ZDHHC15: variants seen among roughly 807,000 people sequenced by gnomAD.
ZDHHC15 encodes palmitoyltransferase ZDHHC15.
In ZDHHC15, 19 loss-of-function variants were observed where a neutral mutation model predicts 31.7. The observed-to-expected ratio is 0.60, with a 90% CI of 0.42 to 0.88. The LOEUF (loss-of-function observed/expected upper bound fraction) is 0.88. ZDHHC15 is among the 40% of genes least tolerant of loss of function. The probability of loss-of-function intolerance (pLI) is 0.00; values close to 1 mark genes in which losing one functional copy is unlikely to be tolerated. For synonymous variants in ZDHHC15, 103 were observed against 90.0 expected (o/e 1.14, Z -0.82); for missense variants, 209 against 251.2 (o/e 0.83, Z 1.14).
chrX:75,422,367 T>C (rs1304247416), intron 8 of ZDHHC15, among the ~76,000 whole-genome samples: 2 of 112,096 alleles, frequency 1.8e-5, no homozygotes, highest in African/African-American at 6.5e-5. Context: ...AACAGCCGAA[T>C]GACCACCATC....
At chrX:75,425,583 C>T (rs779544940) in intron 7 of ZDHHC15, among the ~76,000 whole-genome samples, 99 of 112,312 alleles carry the variant, frequency 8.8e-4, no homozygotes, top group African/African-American at 3.1e-3. Flanking sequence ...TCTTAGAAAA[C>T]ATTTTCAATT....
intron 2 of ZDHHC15, among the ~76,000 whole-genome samples, chrX:75,488,682 G>T (rs564467654): frequency 2.7e-5 from 3 of 112,199 alleles, no homozygotes; most frequent in Non-Finnish European, 5.6e-5. Context: ...ACACAGAGAC[G>T]GGTGATTGCT....
intron 1 of ZDHHC15, among the ~76,000 whole-genome samples, chrX:75,507,954 C>A (rs2085193548): frequency 9.1e-6 from 1 of 110,390 alleles, no homozygotes; most frequent in Non-Finnish European, 1.9e-5. Context: ...TAATTTGGGG[C>A]TAGATGGAAA....
In ZDHHC15 at chrX:75,495,932, TA is replaced by T. The variant is rs1189278556; in HGVS notation, c.163+9888del. Among the ~76,000 whole-genome samples the T allele has an allele frequency of 8.5e-3, 810 of 94,887 alleles. 1 individual carries two copies. The highest frequency in any genetic ancestry group is 0.017 in the African/African-American group (439 of 26,118). The allele number at this position is 94,887 out of a possible 115,157, so 82.4% of individuals were successfully genotyped here. A position where few individuals can be genotyped will look rare whatever the true frequency, so the allele number is the denominator to read the frequency against. On this transcript the variant is annotated intron_variant, in intron 2 of 11. Coordinates refer to ENST00000373367, the MANE Select transcript of ZDHHC15 (RefSeq NM_144969.3). ...TGTACCATAAAACTTGAAGCATAATTAAAAAAAAAAAAAGAAAAACAAGGTA... is the reference window on the plus strand; with the variant it reads ...TGTACCATAAAACTTGAAGCATAATTAAAAAAAAAAAAGAAAAACAAGGTA...
At chrX:75,508,214 T>C (rs1381727641) in intron 1 of ZDHHC15, among the ~76,000 whole-genome samples, 1 of 109,495 alleles carries the variant, frequency 9.1e-6, no homozygotes, top group Non-Finnish European at 1.9e-5. Context: ...ATTGCAGATG[T>C]ATACATGTGC....
intron 10 of ZDHHC15, among the ~76,000 whole-genome samples, chrX:75,379,835 T>C (rs2083096456): frequency 8.9e-6 from 1 of 111,938 alleles, no homozygotes. Context: ...CAGCACAGTG[T>C]CTTTTATGTG....
chrX:75,446,342 G>T (rs1350371385), intron 4 of ZDHHC15, among the ~76,000 whole-genome samples: 1 of 111,334 alleles, frequency 9.0e-6, no homozygotes, highest in Non-Finnish European at 1.9e-5. Context: ...TTGGTTTAAT[G>T]TTGAGGGGAG....
intron 4 of ZDHHC15, among the ~76,000 whole-genome samples, chrX:75,446,149 T>A (rs2084031203): frequency 8.9e-6 from 1 of 111,984 alleles, no homozygotes; most frequent in Admixed American, 9.5e-5. Context: ...AATACTAATG[T>A]TGGAAAAAAC....
chrX:75,490,520 C>G (rs1316578659), intron 2 of ZDHHC15, among the ~76,000 whole-genome samples: 3 of 111,359 alleles, frequency 2.7e-5, no homozygotes, highest in African/African-American at 9.8e-5. Flanking sequence ...TTTTCCAATT[C>G]TGTGAAGAAA....
At chrX:75,381,251 G>A (rs1340090515) in intron 10 of ZDHHC15, among the ~76,000 whole-genome samples, 3 of 111,558 alleles carry the variant, frequency 2.7e-5, no homozygotes. Context: ...CCATGTGGAT[G>A]CATGTCAACA....
intron 7 of ZDHHC15, among the ~76,000 whole-genome samples, chrX:75,425,781 T>C (rs935598331): frequency 3.6e-5 from 4 of 112,092 alleles, no homozygotes; most frequent in African/African-American, 1.3e-4. Flanking sequence ...AGGAGAAAGT[T>C]AAGGCTTGGC....
chrX:75,483,957 G>A (rs1208047632), intron 2 of ZDHHC15, among the ~76,000 whole-genome samples: 1 of 111,356 alleles, frequency 9.0e-6, no homozygotes, highest in Non-Finnish European at 1.9e-5. Context: ...GGTTCCCTCA[G>A]AATGTATTAC....
intron 3 of ZDHHC15, among the ~76,000 whole-genome samples, chrX:75,468,041 ATTTTTTT>A (rs142205044): frequency 3.0e-4 from 25 of 83,843 alleles, no homozygotes; most frequent in African/African-American, 9.0e-4. Flanking sequence ...AACTGGCATA[ATTTTTTT>A]TTTTTTTTTT....
chrX:75,474,277 G>A (rs917871508), intron 3 of ZDHHC15, among the ~76,000 whole-genome samples: 13 of 109,465 alleles, frequency 1.2e-4, no homozygotes, highest in East Asian at 5.7e-4. Flanking sequence ...TCCAAGCCTC[G>A]ATCTTTCTCC....
intron 4 of ZDHHC15, among the ~76,000 whole-genome samples, chrX:75,443,401 A>T (rs1036103228): frequency 5.4e-5 from 6 of 112,021 alleles, no homozygotes; most frequent in Admixed American, 2.8e-4. Flanking sequence ...GTGTTGGGAA[A>T]ACTGGCTAGC....
intron 1 of ZDHHC15, among the ~76,000 whole-genome samples, chrX:75,516,572 T>C (rs936067246): frequency 7.1e-5 from 8 of 112,140 alleles, no homozygotes; most frequent in Non-Finnish European, 1.1e-4. Flanking sequence ...TTACACCTTA[T>C]ACAAAAATTA....
intron 10 of ZDHHC15, chrX:75,384,852 G>T (rs951255342): frequency 5.0e-5 from 28 of 554,900 alleles, no homozygotes; most frequent in Non-Finnish European, 7.6e-5. Context: ...ATAAATAAAA[G>T]ACATCTGGGC....
chrX:75,501,331 C>T (rs768964867), intron 2 of ZDHHC15, among the ~76,000 whole-genome samples: 6 of 111,840 alleles, frequency 5.4e-5, no homozygotes, highest in African/African-American at 1.6e-4. Flanking sequence ...GTATGCACCA[C>T]ATTTGCTTTA....
intron 3 of ZDHHC15, among the ~76,000 whole-genome samples, chrX:75,456,953 C>G (rs1379262490): frequency 9.0e-6 from 1 of 111,445 alleles, no homozygotes; most frequent in East Asian, 2.8e-4. Context: ...ATTTCCTCAT[C>G]CAAGAAATAG....
Sources: allele counts gnomAD v4.1 joint callset (sites outside exome capture counted in the v4.1 genomes callset), GRCh38; gene constraint gnomAD v4.1.1; transcripts MANE v1.5; gene names NCBI Gene and HGNC (gene_info 2026-07-23, HGNC 2026-07-21).